The following SLC45A4 variants were observed in gnomAD, a reference collection of about 807,000 sequenced individuals.
SLC45A4 encodes polyamine-transporter SLC45A4.
A neutral mutation model predicts 63.7 loss-of-function variants in SLC45A4; 32 were observed. The ratio of observed to expected loss-of-function variants is 0.50; its 90% CI spans 0.38 to 0.67. SLC45A4 has a LOEUF of 0.67. Among genes scored for constraint, SLC45A4 ranks in the 30% least tolerant of loss-of-function variants. The pLI is 0.00. For missense variants in SLC45A4, 1,027 were observed against 1,157.7 expected, an observed-to-expected ratio of 0.89 and a Z score of 1.64; for synonymous variants, 535 against 510.0, an observed-to-expected ratio of 1.05 and a Z score of -0.66.
intron 2 of SLC45A4, among the ~76,000 whole-genome samples, chr8:141,238,987 C>T (rs149223286): frequency 2.0e-5 from 3 of 152,232 alleles, no homozygotes; most frequent in African/African-American, 7.2e-5. Context: ...CCAGCTCATC[C>T]GAGTTAGTAT....
chr8:141,259,002 C>A lies in SLC45A4; in HGVS notation c.-400-4373G>T, dbSNP rs143084964. The stretch of plus-strand genomic sequence containing the variant: ...AGCAAAGGCCCTGTGTCCTTAGTAA[C>A]AGAGTCACAAGTCCACAGAAGGACA... On this transcript the variant is annotated intron_variant, in intron 1 of 8. Coordinates refer to ENST00000517878, the MANE Select transcript of SLC45A4 (RefSeq NM_001286646.2). 3.2e-4 allele frequency among the ~76,000 whole-genome samples: 49 copies of A among 152,018 alleles called. No homozygotes were observed. In the East Asian group the frequency reaches 6.8e-3, roughly 21 times the overall value.
chr8:141,260,937 GA>G (rs1829019157), intron 1 of SLC45A4, among the ~76,000 whole-genome samples: 2 of 152,168 alleles, frequency 1.3e-5, no homozygotes, highest in African/African-American at 2.4e-5. Flanking sequence ...GAGAATTTTA[GA>G]CCAATATCCT....
chr8:141,253,565 A>G (rs190146369), intron 2 of SLC45A4, among the ~76,000 whole-genome samples: 30 of 152,330 alleles, frequency 2.0e-4, no homozygotes, highest in African/African-American at 7.0e-4. Context: ...TTACACACAA[A>G]GAATCAGAGT....
chr8:141,249,968 T>G (rs1441294177), intron 2 of SLC45A4, among the ~76,000 whole-genome samples: 1 of 152,208 alleles, frequency 6.6e-6, no homozygotes, highest in Admixed American at 6.5e-5. Flanking sequence ...GCTTACAGTT[T>G]TACGTGAACT....
intron 1 of SLC45A4, among the ~76,000 whole-genome samples, chr8:141,300,626 G>A (rs1830709657): frequency 6.6e-6 from 1 of 152,236 alleles, no homozygotes; most frequent in Non-Finnish European, 1.5e-5. Context: ...CCCTGTGCAG[G>A]AAGAAGGGCG....
chr8:141,251,702 G>A (rs1379784643), intron 2 of SLC45A4, among the ~76,000 whole-genome samples: 1 of 151,884 alleles, frequency 6.6e-6, no homozygotes, highest in African/African-American at 2.4e-5. Flanking sequence ...GGTTTTTAAA[G>A]ATGAAAAAAG....
intron 1 of SLC45A4, among the ~76,000 whole-genome samples, chr8:141,298,230 A>T (rs923828875): frequency 1.3e-5 from 2 of 152,242 alleles, no homozygotes; most frequent in African/African-American, 4.8e-5. Flanking sequence ...TATTTTCACT[A>T]CTTTTAGGCA....
chr8:141,299,481 C>T (rs1830673289), intron 1 of SLC45A4, among the ~76,000 whole-genome samples: 1 of 152,224 alleles, frequency 6.6e-6, no homozygotes, highest in Non-Finnish European at 1.5e-5. Context: ...GGGTGTCGTT[C>T]TCGCCACCAA....
chr8:141,232,224 C>G (rs1049661642), intron 2 of SLC45A4, among the ~76,000 whole-genome samples: 1 of 152,274 alleles, frequency 6.6e-6, no homozygotes, highest in Non-Finnish European at 1.5e-5. Context: ...GCCGGGGAAC[C>G]TCAACAATCC....
At chr8:141,296,063 G>A (rs1020856685) in intron 1 of SLC45A4, among the ~76,000 whole-genome samples, 2 of 152,202 alleles carry the variant, frequency 1.3e-5, no homozygotes, top group African/African-American at 2.4e-5. Flanking sequence ...AGGGCACAGT[G>A]GCTGACGCCT....
chr8:141,304,200 G>A (rs1830829537), intron 1 of SLC45A4, among the ~76,000 whole-genome samples: 1 of 152,068 alleles, frequency 6.6e-6, no homozygotes, highest in South Asian at 2.1e-4. Context: ...GCTGGGGCAG[G>A]AGGATCACTT....
At chr8:141,220,093 T>C (rs4961338) in intron 3 of SLC45A4, among the ~76,000 whole-genome samples, 100,822 of 152,104 alleles carry the variant, frequency 0.66, 34,247 homozygotes, top group East Asian at 0.81. Context: ...GCGCCCTTGA[T>C]GTTTTTCAAA....
rs774622111 is a variant in SLC45A4, at chr8:141,221,676, G to A, written c.331C>T (p.Arg111Trp). 8 of 1,613,890 alleles carry A rather than the reference G, an allele frequency of 5.0e-6. No individual in the cohort carries two copies. The highest frequency in any genetic ancestry group is 2.2e-5 in the East Asian group (1 of 44,882). ...FTPLIGSASDRCTLSWGRRRP... is the reference protein window; with the variant it reads ...FTPLIGSASDWCTLSWGRRRP... ...CGGCGGCCCCAGCTCAGGGTGCACCGGTCACTCGCAGACCCAATGAGAGGT... is the reference window on the plus strand; with the variant it reads ...CGGCGGCCCCAGCTCAGGGTGCACCAGTCACTCGCAGACCCAATGAGAGGT... The change falls in exon 3 of 9, where the codon CGG becomes TGG. Residue 111 changes from arginine (R) to tryptophan (W), a missense_variant. Coordinates refer to ENST00000517878, the MANE Select transcript of SLC45A4 (RefSeq NM_001286646.2).
chr8:141,211,887 GAAT>G (rs1369036017), intron 8 of SLC45A4, 190 bp from the exon 9 acceptor site: 36 of 1,255,930 alleles, frequency 2.9e-5, no homozygotes, highest in South Asian at 6.3e-5. Context: ...AAAACATGCA[GAAT>G]AATACACCTG....
chr8:141,277,284 G>C (rs1411333958), intron 1 of SLC45A4, among the ~76,000 whole-genome samples: 1 of 152,216 alleles, frequency 6.6e-6, no homozygotes, highest in African/African-American at 2.4e-5. Context: ...CGGAATGAAA[G>C]GACCATCATG....
chr8:141,253,255 G>A (rs1285207985), intron 2 of SLC45A4: 1 of 163,876 alleles, frequency 6.1e-6, no homozygotes, highest in African/African-American at 2.5e-5. Context: ...ATGCCCACCT[G>A]TGTGTCTGTG....
intron 6 of SLC45A4, among the ~76,000 whole-genome samples, 172 bp downstream of exon 6, chr8:141,216,918 G>A (rs941651279): frequency 6.6e-6 from 1 of 152,198 alleles, no homozygotes; most frequent in Non-Finnish European, 1.5e-5. Context: ...TCCCTAAAAC[G>A]AGGACATGGG....
At chr8:141,290,722 G>C (rs1334203799) in intron 1 of SLC45A4, among the ~76,000 whole-genome samples, 2 of 152,210 alleles carry the variant, frequency 1.3e-5, no homozygotes, top group African/African-American at 4.8e-5. Flanking sequence ...GTTGTCCTTG[G>C]GTCCAGAGAC....
intron 2 of SLC45A4, among the ~76,000 whole-genome samples, chr8:141,224,075 T>C (rs937164827): frequency 2.4e-4 from 36 of 151,964 alleles, no homozygotes; most frequent in African/African-American, 8.5e-4. Context: ...CTGTCTGAAC[T>C]CTCCTTATTA....
Sources: allele counts gnomAD v4.1 joint callset (sites outside exome capture counted in the v4.1 genomes callset), GRCh38; gene constraint gnomAD v4.1.1; transcripts MANE v1.5; gene names NCBI Gene and HGNC (gene_info 2026-07-23, HGNC 2026-07-21).